EFHC1: variants seen among roughly 807,000 people sequenced by gnomAD.
The protein encoded by EFHC1 is EF-hand domain-containing protein 1.
A neutral mutation model predicts 69.9 loss-of-function variants in EFHC1; 53 were observed. That is an observed-to-expected ratio of 0.76 (90% confidence interval 0.61 to 0.95). The LOEUF is 0.95. Ranked by LOEUF, EFHC1 falls within the 40% of genes least tolerant of loss-of-function variation. EFHC1 has a pLI of 0.00. For missense variants in EFHC1, 739 were observed against 798.7 expected, an observed-to-expected ratio of 0.93 and a Z score of 0.90; for synonymous variants, 256 against 278.4, an observed-to-expected ratio of 0.92 and a Z score of 0.80.
chr6:52,473,337 T>C (rs558743892), intron 7 of EFHC1, among the ~76,000 whole-genome samples: 37 of 152,136 alleles, frequency 2.4e-4, no homozygotes, highest in Non-Finnish European at 4.6e-4. Context: ...TTGACCTCCA[T>C]CTCACTCCAA....
intron 9 of EFHC1, chr6:52,486,744 C>G (rs995390171): frequency 6.6e-6 from 1 of 152,092 alleles, no homozygotes; most frequent in Non-Finnish European, 1.5e-5. Flanking sequence ...GTAACTCCTC[C>G]TATTTCTTCA....
chr6:52,456,286 G>A (rs1317209676), intron 5 of EFHC1, among the ~76,000 whole-genome samples: 2 of 152,164 alleles, frequency 1.3e-5, no homozygotes, highest in Non-Finnish European at 2.9e-5. Flanking sequence ...CTACAGAACC[G>A]TCTTAGAGTT....
intron 5 of EFHC1, among the ~76,000 whole-genome samples, chr6:52,458,153 A>G (rs1178887692): frequency 6.6e-6 from 1 of 152,190 alleles, no homozygotes; most frequent in Non-Finnish European, 1.5e-5. Flanking sequence ...TCAATAGCCT[A>G]TGCAAAAGTA....
chr6:52,473,965 A>G (rs1201571312), intron 7 of EFHC1, among the ~76,000 whole-genome samples: 3 of 152,234 alleles, frequency 2.0e-5, no homozygotes, highest in African/African-American at 7.2e-5. Flanking sequence ...TGAAATCATT[A>G]AGAAAAATGA....
chr6:52,492,036 T>G (rs1025571525), intron 10 of EFHC1, among the ~76,000 whole-genome samples: 2 of 152,196 alleles, frequency 1.3e-5, no homozygotes, highest in Non-Finnish European at 2.9e-5. Context: ...CTTTCGGCCT[T>G]CAACAGGGAA....
chr6:52,420,771 G>T (rs1479962020), intron 1 of EFHC1, among the ~76,000 whole-genome samples: 1 of 151,820 alleles, frequency 6.6e-6, no homozygotes, highest in Non-Finnish European at 1.5e-5. Flanking sequence ...TCTTTCTTAC[G>T]GCCCTGCTCC....
At chr6:52,455,782 T>G (rs1464109582) in intron 5 of EFHC1, among the ~76,000 whole-genome samples, 1 of 152,216 alleles carries the variant, frequency 6.6e-6, no homozygotes, top group Non-Finnish European at 1.5e-5. Context: ...TGCACAGTGC[T>G]TTTTTATGAA....
chr6:52,438,361 T>C lies in EFHC1; in HGVS notation c.343T>C (p.Tyr115His). 3.1e-6 allele frequency: 5 copies of C among 1,613,900 alleles called. No homozygotes were observed. Among genetic ancestry groups the C allele is most frequent in the Non-Finnish European group, 4.2e-6 (5 of 1,179,934 alleles). Residue 115 changes from tyrosine (Y) to histidine (H), a missense_variant, in exon 3 of 11, where the codon TAT (tyrosine) becomes CAT (histidine). Coordinates refer to ENST00000371068, the MANE Select transcript of EFHC1 (RefSeq NM_018100.4). ...EDVPMSTEEQ[Y>H]RIRQVNIYYY... The stretch of plus-strand genomic sequence containing the variant: ...TGTTCCTATGTCAACTGAGGAACAG[T>C]ATAGGATCCGTCAGGTGAACATTTA...
In EFHC1 at chr6:52,448,366, T is replaced by C. The variant is rs139603449; in HGVS notation, c.574-4322T>C. On this transcript the variant is annotated intron_variant, in intron 3 of 10. Coordinates refer to ENST00000371068, the MANE Select transcript of EFHC1 (RefSeq NM_018100.4). ...GAGGCTCTGTGGGTGTGGGACCCTC[T>C]GAGCCAGGTGCGGGATATAATCTCC... Among the ~76,000 whole-genome samples, 845 of 152,370 alleles carry C rather than the reference T, an allele frequency of 5.5e-3. 8 individuals carry two copies. The highest frequency in any genetic ancestry group is 0.019 in the African/African-American group (795 of 41,592).
intron 9 of EFHC1, chr6:52,480,069 C>G (rs886619653): frequency 6.7e-6 from 4 of 598,762 alleles, no homozygotes; most frequent in Non-Finnish European, 1.2e-5. Context: ...TTTGACACCC[C>G]AAAACTTAAC....
chr6:52,486,416 C>T (rs1303295463), intron 9 of EFHC1: 1 of 152,190 alleles, frequency 6.6e-6, no homozygotes, highest in Non-Finnish European at 1.5e-5. Context: ...AGCATAGATA[C>T]ATACACACAT....
intron 9 of EFHC1, 57 bp from the exon 10 acceptor site, chr6:52,490,083 G>T: frequency 6.6e-7 from 1 of 1,523,294 alleles, no homozygotes. Context: ...TGGTCACCGA[G>T]ATGAGACTGA....
chr6:52,459,652 G>T (rs1765117395), intron 5 of EFHC1, among the ~76,000 whole-genome samples: 1 of 151,802 alleles, frequency 6.6e-6, no homozygotes, highest in Non-Finnish European at 1.5e-5. Flanking sequence ...AGCGTGACAG[G>T]TTTTTTTGTT....
intron 2 of EFHC1, among the ~76,000 whole-genome samples, chr6:52,432,639 T>C (rs1416954119): frequency 6.6e-6 from 1 of 152,190 alleles, no homozygotes; most frequent in Non-Finnish European, 1.5e-5. Flanking sequence ...CTTAAGATTC[T>C]TTCCTTCATC....
Position 52,424,783 on chromosome 6 carries a change from A to C in EFHC1, c.285+616A>C, listed in dbSNP as rs551035510. The stretch of plus-strand genomic sequence containing the variant: ...TGTCAATGAGCCTCCTCTTTTCACT[A>C]AAGTGAAGTAGCCCTAGCCCTGACC... On this transcript the variant is annotated intron_variant, in intron 2 of 10. Transcript: ENST00000371068. 2.0e-5 allele frequency among the ~76,000 whole-genome samples: 3 copies of C among 152,314 alleles called. No individual in the cohort carries two copies. In the South Asian group the frequency reaches 6.2e-4, roughly 32 times the overall value.
At chr6:52,426,429 T>C (rs1435206210) in intron 2 of EFHC1, among the ~76,000 whole-genome samples, 3 of 152,188 alleles carry the variant, frequency 2.0e-5, no homozygotes, top group African/African-American at 7.2e-5. Context: ...CCTCCCTTCC[T>C]CTTTTCAATT....
intron 4 of EFHC1, chr6:52,453,617 CT>C: frequency 8.2e-7 from 1 of 1,216,722 alleles, no homozygotes; most frequent in Admixed American, 3.3e-5. Context: ...TTGAAGAAGC[CT>C]AGCCAAAAAA....
chr6:52,453,622 CAAAAAA>C (rs150509864), intron 4 of EFHC1: 19 of 1,051,906 alleles, frequency 1.8e-5, no homozygotes, highest in African/African-American at 1.1e-4. Context: ...GAAGCCTAGC[CAAAAAA>C]AAAAAAAAAA....
intron 7 of EFHC1, 71 bp from the exon 8 acceptor site, chr6:52,478,966 T>C (rs1216515523): frequency 2.1e-6 from 3 of 1,426,172 alleles, no homozygotes; most frequent in Admixed American, 1.7e-5. Flanking sequence ...CTGGCCCCTA[T>C]AGGCATTTAA....
Sources: gnomAD v4.1 joint callset for allele counts (sites outside exome capture counted in the v4.1 genomes callset) on GRCh38, gnomAD v4.1.1 for gene constraint, MANE v1.5 for transcripts, NCBI Gene and HGNC (gene_info 2026-07-23, HGNC 2026-07-21) for gene names.